The following UTP20 variants were observed in gnomAD, a reference collection of about 807,000 sequenced individuals.
The protein encoded by UTP20 is UTP20 small subunit processome component, also known as small subunit processome component 20 homolog.
In UTP20, 164 loss-of-function variants were observed where a neutral mutation model predicts 329.5. That is an observed-to-expected ratio of 0.50 (90% CI 0.44 to 0.57). The LOEUF is 0.57. UTP20 is among the 20% of genes least tolerant of loss of function. The pLI is 0.00. For missense variants in UTP20, 3,055 were observed against 3,284.2 expected, an observed-to-expected ratio of 0.93 and a Z score of 1.71; for synonymous variants, 1,151 against 1,159.3, an observed-to-expected ratio of 0.99 and a Z score of 0.14.
chr12:101,346,171 C>T (rs988792159), intron 37 of UTP20, among the ~76,000 whole-genome samples: 3 of 152,052 alleles, frequency 2.0e-5, no homozygotes, highest in Non-Finnish European at 4.4e-5. Context: ...CCTGCCTCAG[C>T]GTCCTGAGTA....
intron 2 of UTP20, 134 bp downstream of exon 2, chr12:101,281,330 G>A: frequency 1.5e-6 from 1 of 685,992 alleles, no homozygotes; most frequent in South Asian, 2.9e-5. Context: ...GTTTCATACA[G>A]TAGCCACATA....
At chr12:101,366,731 C>A in intron 47 of UTP20, 32 bp downstream of exon 47, 1 of 1,601,902 alleles carries the variant, frequency 6.2e-7, no homozygotes, top group Non-Finnish European at 8.5e-7. Flanking sequence ...AGACTTGCTA[C>A]TTTCAGGGAG....
intron 44 of UTP20, among the ~76,000 whole-genome samples, chr12:101,362,297 C>G (rs983259034): frequency 6.6e-6 from 1 of 152,128 alleles, no homozygotes; most frequent in Admixed American, 6.6e-5. Flanking sequence ...CATTTTGTAT[C>G]AAGAGCTTTT....
intron 7 of UTP20, among the ~76,000 whole-genome samples, 175 bp from the exon 8 acceptor site, chr12:101,290,558 C>T (rs1872108516): frequency 6.6e-6 from 1 of 152,172 alleles, no homozygotes; most frequent in South Asian, 2.1e-4. Flanking sequence ...ATAAAATTCC[C>T]ATCCTAGTTT....
chr12:101,366,493 C>T (rs1456441319), intron 46 of UTP20, 65 bp from the exon 47 acceptor site: 1 of 1,550,218 alleles, frequency 6.5e-7, no homozygotes, highest in East Asian at 2.3e-5. Context: ...AGAAGGGCCA[C>T]TCTAACTTCT....
At chr12:101,353,965 A>G (rs1869626975) in intron 40 of UTP20, among the ~76,000 whole-genome samples, 1 of 152,132 alleles carries the variant, frequency 6.6e-6, no homozygotes, top group Non-Finnish European at 1.5e-5. Context: ...AAAGGAATTG[A>G]ATGCACAGTT....
intron 12 of UTP20, among the ~76,000 whole-genome samples, chr12:101,297,227 T>C (rs1872385363): frequency 6.6e-6 from 1 of 152,106 alleles, no homozygotes; most frequent in Admixed American, 6.6e-5. Context: ...ATTATTATTA[T>C]TATTTTAAGA....
In UTP20 at chr12:101,375,697, T is replaced by C. The variant is rs760221379; in HGVS notation, c.7337T>C (p.Ile2446Thr). The C allele has an allele frequency of 1.9e-6, 3 of 1,605,664 alleles. No homozygotes were observed. Among genetic ancestry groups the C allele is most frequent in the Admixed American group, 1.7e-5 (1 of 59,602 alleles). The change falls in exon 56 of 62, where the codon ATC becomes ACC. Residue 2446 changes from isoleucine (I) to threonine (T), a missense_variant. By Grantham distance (89) the Ile-to-Thr change is moderately conservative (BLOSUM62 -1). Transcript: ENST00000261637. ...TTTCTTACACTGATAACTAAACTTA[T>C]CAAGGAATGTAATATTATTCAGTTT... ...FSFLTLITKLIKECNIIQFTK... is the reference protein window; with the variant it reads ...FSFLTLITKLTKECNIIQFTK...
chr12:101,306,822 T>A, intron 17 of UTP20, 61 bp downstream of exon 17: 1 of 1,437,976 alleles, frequency 7.0e-7, no homozygotes. Flanking sequence ...ATTATTGTGG[T>A]TTCCAAAATG....
At chr12:101,347,760 G>A (rs897849643) in intron 38 of UTP20, among the ~76,000 whole-genome samples, 2 of 152,174 alleles carry the variant, frequency 1.3e-5, no homozygotes, top group Non-Finnish European at 1.5e-5. Flanking sequence ...ACTGTTTGAT[G>A]CCATTGAAAT....
chr12:101,323,559 T>C (rs1359843707), intron 25 of UTP20, among the ~76,000 whole-genome samples: 2 of 152,212 alleles, frequency 1.3e-5, no homozygotes. Flanking sequence ...TTGTATGACT[T>C]CACATATTTT....
At chr12:101,333,962 C>A (rs992628415) in intron 28 of UTP20, among the ~76,000 whole-genome samples, 2 of 152,250 alleles carry the variant, frequency 1.3e-5, no homozygotes, top group African/African-American at 4.8e-5. Flanking sequence ...CTGTGCCCGG[C>A]CTGTAACATG....
At chr12:101,380,403 G>T (rs1156963084) in intron 57 of UTP20, among the ~76,000 whole-genome samples, 3 of 152,076 alleles carry the variant, frequency 2.0e-5, no homozygotes, top group Middle Eastern at 3.4e-3. Flanking sequence ...AGAAAGAAAA[G>T]AAAAGAAAAT....
chr12:101,305,987 C>T lies in UTP20; in HGVS notation c.1854C>T (p.Cys618=). 3 of 1,613,954 alleles carry T rather than the reference C, an allele frequency of 1.9e-6. No individual in the cohort carries two copies. The highest frequency in any genetic ancestry group is 2.5e-6 in the Non-Finnish European group (3 of 1,179,912). Residue 618 remains cysteine, a synonymous_variant, in exon 16 of 62, where the codon TGC becomes TGT. Transcript: ENST00000261637. ...ATCAGAGATTAGCCTTGTGTGGCTG[C>T]AAAGGGCCACTTTCCCAGGAGGCTT... is the stretch of plus-strand genomic sequence containing the variant. ...LYYQRLALCG[C]KGPLSQEALM... is the part of the protein sequence containing the mutation.
intron 21 of UTP20, among the ~76,000 whole-genome samples, chr12:101,313,391 T>C (rs527894422): frequency 2.5e-5 from 3 of 117,728 alleles, no homozygotes; most frequent in African/African-American, 1.1e-4. Context: ...CTTTAAGTGA[T>C]AGGAAGGACT....
intron 43 of UTP20, 63 bp downstream of exon 43, chr12:101,357,145 C>A: frequency 6.8e-7 from 1 of 1,472,282 alleles, no homozygotes; most frequent in South Asian, 1.3e-5. Flanking sequence ...GCAGCTTGAA[C>A]ACTGTAAGTT....
intron 30 of UTP20, 81 bp downstream of exon 30, chr12:101,338,358 A>G: frequency 7.0e-7 from 1 of 1,431,452 alleles, no homozygotes; most frequent in East Asian, 2.3e-5. Context: ...AAATCAGTAT[A>G]ATTTGACTCA....
At position 101,288,953 on chromosome 12, in the gene UTP20, T is replaced by C. The variant is rs746611397; in HGVS notation, c.516-7T>C. ...AATGAAATGTATCTTATTTTTTTCA[T>C]GTATAGCATGTACAGCACACTCCTG... is the stretch of plus-strand genomic sequence containing the variant. On this transcript the variant is annotated splice_region_variant and splice_polypyrimidine_tract_variant and intron_variant, in intron 5 of 61. Coordinates refer to ENST00000261637, the MANE Select transcript of UTP20 (RefSeq NM_014503.3). 1 of 1,608,320 alleles carries C rather than the reference T, an allele frequency of 6.2e-7. No individual in the cohort carries two copies. The highest frequency in any genetic ancestry group is 8.5e-7 in the Non-Finnish European group (1 of 1,177,252).
Position 101,386,417 on chromosome 12 carries a change from T to A in UTP20, c.*294T>A, listed in dbSNP as rs188413231. 2.3e-3 allele frequency: 499 copies of A among 216,492 alleles called. 9 individuals are homozygous for A. Among genetic ancestry groups the A allele is most frequent in the Non-Finnish European group, 4.2e-4 (46 of 110,752 alleles). The allele number at this position is 216,492 out of a possible 1,614,324, so 13.4% of individuals were successfully genotyped here. ...TTTTTGTAGAAACAGGATTTCGCCA[T>A]GTTGGCCAGGCTGGTCTCGAACACC... On this transcript the variant is annotated 3_prime_UTR_variant, in exon 62 of 62. Coordinates refer to ENST00000261637, the MANE Select transcript of UTP20 (RefSeq NM_014503.3).
Sources: allele counts gnomAD v4.1 joint callset (sites outside exome capture counted in the v4.1 genomes callset), GRCh38; gene constraint gnomAD v4.1.1; transcripts MANE v1.5; gene names NCBI Gene and HGNC (gene_info 2026-07-23, HGNC 2026-07-21).